The following ZNF850 variants were observed in gnomAD, a reference collection of about 807,000 sequenced individuals.
ZNF850 encodes putative zinc finger protein ENSP00000330994.
A neutral mutation model predicts 11.9 loss-of-function variants in ZNF850; 2 were observed. The ratio of observed to expected loss-of-function variants is 0.17; its 90% CI spans 0.07 to 0.53. ZNF850 has a LOEUF of 0.53. ZNF850 is among the 20% of genes least tolerant of loss of function. The pLI is 0.94. For synonymous variants in ZNF850, 381 were observed against 443.0 expected, an observed-to-expected ratio of 0.86 and a Z score of 1.76; for missense variants, 1,014 against 1,316.4, an observed-to-expected ratio of 0.77 and a Z score of 3.55.
intron 1 of ZNF850, among the ~76,000 whole-genome samples, chr19:36,770,731 A>AAAAAAAAG (rs2040576536): frequency 7.4e-6 from 1 of 135,820 alleles, no homozygotes; most frequent in Non-Finnish European, 1.6e-5. Context: ...AAAAAAAAAA[A>AAAAAAAAG]AAAAAAAGCC....
chr19:36,767,098 G>A (rs531801981), intron 1 of ZNF850, among the ~76,000 whole-genome samples: 3 of 152,178 alleles, frequency 2.0e-5, no homozygotes, highest in South Asian at 4.1e-4. Context: ...GTAGCCAGGC[G>A]TGGTGGCAGG....
Position 36,748,854 on chromosome 19 carries a change from T to C in ZNF850, c.2186A>G (p.Tyr729Cys), listed in dbSNP as rs894653774. ...AGATTTCCCACATTCCTTACCATCA[T>C]AGGGTTTCTCATCAGTGTGATTTTG... is the stretch of plus-strand genomic sequence containing the variant. The part of the protein sequence containing the change: ...HQQNHTDEKP[Y>C]DGKECGKSFT... Residue 729 changes from tyrosine (Y) to cysteine (C), a missense_variant, in exon 5 of 5, where the codon TAT becomes TGT. Physicochemically the swap from Tyr to Cys is radical, Grantham distance 194. This residue lies in a region of ZNF850 where 835 missense variants were observed against 1,022.0 expected (regional missense o/e 0.82). Coordinates refer to ENST00000591344, the MANE Select transcript of ZNF850 (RefSeq NM_001193552.2). The C allele has an allele frequency of 3.2e-6, 5 of 1,549,524 alleles. No homozygotes were observed. Among genetic ancestry groups the C allele is most frequent in the Admixed American group, 1.9e-5 (1 of 51,452 alleles).
At chr19:36,754,956 T>C (rs2145960042) in intron 4 of ZNF850, among the ~76,000 whole-genome samples, 1 of 152,232 alleles carries the variant, frequency 6.6e-6, no homozygotes, top group East Asian at 1.9e-4. Context: ...TTAACAAGCA[T>C]GATATGTTGA....
chr19:36,743,611 G>C lies in ZNF850; in HGVS notation c.*4156C>G, dbSNP rs2040394386. The C allele has an allele frequency of 7.6e-6, 1 of 131,592 alleles. No individual in the cohort carries two copies. Among genetic ancestry groups the C allele is most frequent in the Non-Finnish European group, 1.7e-5 (1 of 57,564 alleles). The allele number at this position is 131,592 out of a possible 1,614,324, so 8.2% of individuals were successfully genotyped here. A position where few individuals can be genotyped will look rare whatever the true frequency, so the allele number is the denominator to read the frequency against. The stretch of plus-strand genomic sequence containing the variant: ...TACAATCCTTAGACAAAAACCAACA[G>C]TTTAGTACATAGTAATAGTAATCAA... On this transcript the variant is annotated 3_prime_UTR_variant, in exon 5 of 5. Transcript: ENST00000591344.
chr19:36,751,161 C>T (rs1239723487), intron 4 of ZNF850, among the ~76,000 whole-genome samples: 3 of 149,792 alleles, frequency 2.0e-5, no homozygotes, highest in Non-Finnish European at 4.4e-5. Context: ...AGTATTTTAT[C>T]TCTGTGATCT....
At chr19:36,753,288 AAAAAGT>A (rs1266838575) in intron 4 of ZNF850, among the ~76,000 whole-genome samples, 1 of 148,930 alleles carries the variant, frequency 6.7e-6, no homozygotes, top group African/African-American at 2.5e-5. Flanking sequence ...AAAAAAAAAA[AAAAAGT>A]AAAAGTTCTA....
chr19:36,753,761 T>A (rs2040468869), intron 4 of ZNF850, among the ~76,000 whole-genome samples: 1 of 152,122 alleles, frequency 6.6e-6, no homozygotes, highest in Non-Finnish European at 1.5e-5. Flanking sequence ...GTGAATAGCA[T>A]ATATATTTGC....
At chr19:36,761,407 C>G (rs1435838241) in intron 4 of ZNF850, among the ~76,000 whole-genome samples, 1 of 151,974 alleles carries the variant, frequency 6.6e-6, no homozygotes, top group Non-Finnish European at 1.5e-5. Flanking sequence ...CCACTGCACT[C>G]CAGCCTGGGC....
chr19:36,754,794 T>A (rs1219595183), intron 4 of ZNF850, among the ~76,000 whole-genome samples: 1 of 151,910 alleles, frequency 6.6e-6, no homozygotes, highest in Non-Finnish European at 1.5e-5. Flanking sequence ...TGACCTTGTG[T>A]TTCACCCACC....
Position 36,749,986 on chromosome 19 carries a change from G to C in ZNF850, c.1054C>G (p.Leu352Val). Reference protein sequence around the residue: ...CGKSFASGSALIRHQRIHTGE... With the variant: ...CGKSFASGSAVIRHQRIHTGE... The stretch of plus-strand genomic sequence containing the variant: ...GTGTGAATTCGCTGATGTCGAATTA[G>C]TGCTGAGCCTGAAGCAAAAGATTTT... Residue 352 changes from leucine to valine, a missense_variant, in exon 5 of 5, where the codon CTA (leucine) becomes GTA (valine). Transcript: ENST00000591344. 6.4e-7 allele frequency: 1 copy of C among 1,557,886 alleles called. No homozygotes were observed. Among genetic ancestry groups the C allele is most frequent in the South Asian group, 1.2e-5 (1 of 85,034 alleles).
chr19:36,750,508 A>C lies in ZNF850; in HGVS notation c.532T>G (p.Phe178Val), dbSNP rs574104847. Residue 178 changes from phenylalanine to valine, a missense_variant, in exon 5 of 5, where the codon TTT becomes GTT. Phe to Val is a conservative substitution (Grantham distance 50, BLOSUM62 -1). Coordinates refer to ENST00000591344, the MANE Select transcript of ZNF850 (RefSeq NM_001193552.2). ...KLYKSTECMA[F>V]KYGSELTQQQ... is the part of the protein sequence containing the mutation. ...TGTGTAAGTTCTGAGCCATACTTAA[A>C]AGCCATACATTCTGTGGATTTATAC... 1 of 1,536,274 alleles carries C rather than the reference A, an allele frequency of 6.5e-7. No homozygotes were observed. The highest frequency in any genetic ancestry group is 1.4e-5 in the African/African-American group (1 of 73,178).
intron 2 of ZNF850, 74 bp from the exon 3 acceptor site, chr19:36,762,505 G>A: frequency 2.0e-6 from 3 of 1,534,984 alleles, no homozygotes; most frequent in South Asian, 1.2e-5. Flanking sequence ...AGATGGAAGG[G>A]TGCTGAAGGA....
intron 4 of ZNF850, among the ~76,000 whole-genome samples, chr19:36,755,653 T>G (rs2040481425): frequency 6.7e-6 from 1 of 150,294 alleles, no homozygotes; most frequent in Non-Finnish European, 1.5e-5. Flanking sequence ...GCTCAAAATA[T>G]TCTCACAAAG....
Position 36,772,749 on chromosome 19 carries a change from G to C in ZNF850, c.-94C>G, listed in dbSNP as rs984279220. ...CCCTCAGCATTCTCTGGTTCCGCTCGGGGCCAGCCTAGCCAAGTTCCTCAG... is the reference window on the plus strand; with the variant it reads ...CCCTCAGCATTCTCTGGTTCCGCTCCGGGCCAGCCTAGCCAAGTTCCTCAG... On this transcript the variant is annotated 5_prime_UTR_variant, in exon 1 of 5. Transcript: ENST00000591344. 1 of 152,454 alleles carries C rather than the reference G, an allele frequency of 6.6e-6. No individual in the cohort carries two copies. The highest frequency in any genetic ancestry group is 2.4e-5 in the African/African-American group (1 of 41,438). The allele number at this position is 152,454 out of a possible 1,614,324, so 9.4% of individuals were successfully genotyped here.
Position 36,748,992 on chromosome 19 carries a change from C to G in ZNF850, c.2048G>C (p.Arg683Thr). 1 of 1,605,752 alleles carries G rather than the reference C, an allele frequency of 6.2e-7. No individual in the cohort carries two copies. The highest frequency in any genetic ancestry group is 8.5e-7 in the Non-Finnish European group (1 of 1,177,034). Residue 683 changes from arginine (R) to threonine (T), a missense_variant, in exon 5 of 5, where the codon AGA becomes ACA. This residue lies in a region of ZNF850 where 835 missense variants were observed against 1,022.0 expected (regional missense o/e 0.82). Coordinates refer to ENST00000591344, the MANE Select transcript of ZNF850 (RefSeq NM_001193552.2). ...ATGTTGATTAAGGTATGTACGCTGT[C>G]TAAAGGCCTTCCCACAGTCCGGACA... Reference protein sequence around the residue: ...YECPDCGKAFRQRTYLNQHRR... With the variant: ...YECPDCGKAFTQRTYLNQHRR...
chr19:36,763,456 ATTGC>A (rs971693425), intron 1 of ZNF850, among the ~76,000 whole-genome samples: 86 of 151,764 alleles, frequency 5.7e-4, no homozygotes, highest in African/African-American at 2.1e-3. Context: ...AGGCAGGAGA[ATTGC>A]TTGAACCTGG....
chr19:36,747,566 G>T lies in ZNF850; in HGVS notation c.*201C>A, dbSNP rs938895529. 1.5e-5 allele frequency: 7 copies of T among 456,390 alleles called. No individual in the cohort carries two copies. The South Asian group carries it at 2.6e-4, about 17-fold the overall frequency. The allele number at this position is 456,390 out of a possible 1,614,324, so 28.3% of individuals were successfully genotyped here. On this transcript the variant is annotated 3_prime_UTR_variant, in exon 5 of 5. Coordinates refer to ENST00000591344, the MANE Select transcript of ZNF850 (RefSeq NM_001193552.2). Reference sequence around the variant, plus strand: ...CAGGAGAATGGCATGAACCCAGGAGGCAGAGCTTGCAGTGAGCCGAGATAG... The same window carrying T: ...CAGGAGAATGGCATGAACCCAGGAGTCAGAGCTTGCAGTGAGCCGAGATAG...
At chr19:36,750,869 G>A (rs2040449539) in intron 4 of ZNF850, 65 bp from the exon 5 acceptor site, 1 of 1,404,852 alleles carries the variant, frequency 7.1e-7, no homozygotes, top group Admixed American at 2.8e-5. Flanking sequence ...AAACATCTAT[G>A]GTAGAAAGGG....
In ZNF850 at chr19:36,750,824, C is replaced by T; in HGVS notation, c.236-20G>A. Reference sequence around the variant, plus strand: ...CCGAGTCTGAAAAATAACCAGAAAGCAAAAACATAGCATTTCCTTGTTGAG... The same window carrying T: ...CCGAGTCTGAAAAATAACCAGAAAGTAAAAACATAGCATTTCCTTGTTGAG... On this transcript the variant is annotated intron_variant, in intron 4 of 4. Coordinates refer to ENST00000591344, the MANE Select transcript of ZNF850 (RefSeq NM_001193552.2). 2 of 1,474,896 alleles carry T rather than the reference C, an allele frequency of 1.4e-6. No individual in the cohort carries two copies. The highest frequency in any genetic ancestry group is 1.8e-6 in the Non-Finnish European group (2 of 1,119,796). The allele number at this position is 1,474,896 out of a possible 1,614,324, so 91.4% of individuals were successfully genotyped here. A position where few individuals can be genotyped will look rare whatever the true frequency, so the allele number is the denominator to read the frequency against.
Sources: allele counts gnomAD v4.1 joint callset (sites outside exome capture counted in the v4.1 genomes callset), GRCh38; gene constraint gnomAD v4.1.1; regional missense constraint gnomAD v4.1.1; transcripts MANE v1.5; gene names NCBI Gene and HGNC (gene_info 2026-07-23, HGNC 2026-07-21).